ZYG11A: variants seen among roughly 807,000 people sequenced by gnomAD.
ZYG11A encodes the protein zyg-11 family member A, cell cycle regulator.
A neutral mutation model predicts 77.2 loss-of-function variants in ZYG11A; 62 were observed. The observed-to-expected ratio is 0.80, with a 90% CI of 0.65 to 0.99. The LOEUF (loss-of-function observed/expected upper bound fraction) is 0.99. Ranked by LOEUF, ZYG11A falls within the 50% of genes least tolerant of loss-of-function variation. ZYG11A has a pLI of 0.00. For missense variants in ZYG11A, 828 were observed against 896.8 expected (o/e 0.92, Z 0.98); for synonymous variants, 315 against 324.6 (o/e 0.97, Z 0.32).
rs960609439 is a variant in ZYG11A at position 52,867,839 on chromosome 1, T to TA, written c.1542+72dup. On this transcript the variant is annotated intron_variant, in intron 8 of 13. Coordinates refer to ENST00000371528, the MANE Select transcript of ZYG11A (RefSeq NM_001004339.3). ...AAAAGTCAAATTTATGATTATAGCT[T>TA]AAAAAAAAAATCAAATCATTCCAAA... 2.4e-3 allele frequency: 3,106 copies of TA among 1,289,890 alleles called. 1 individual carries two copies. The highest frequency in any genetic ancestry group is 2.7e-3 in the Non-Finnish European group (2,540 of 946,020). 79.9% of individuals were successfully genotyped at this position (1,289,890 alleles called of 1,614,324 possible).
chr1:52,873,839 C>T (rs1428661584), intron 8 of ZYG11A, among the ~76,000 whole-genome samples: 1 of 151,988 alleles, frequency 6.6e-6, no homozygotes, highest in Non-Finnish European at 1.5e-5. Flanking sequence ...CAAAAACTAG[C>T]CAGGTGTGGT....
At position 52,868,655 on chromosome 1, in the gene ZYG11A, G is replaced by A. The variant is rs77232077; in HGVS notation, c.1542+878G>A. The stretch of plus-strand genomic sequence containing the variant: ...ATATGAAAATTAGCTGGGTGTGGTG[G>A]TGCGTCCTGTAATCCCAGCTACTTG... On this transcript the variant is annotated intron_variant, in intron 8 of 13. Transcript: ENST00000371528. Among the ~76,000 whole-genome samples the A allele has an allele frequency of 4.8e-3, 736 of 151,958 alleles. 12 individuals carry two copies. The highest frequency in any genetic ancestry group is 0.017 in the African/African-American group (697 of 41,440).
chr1:52,869,269 T>C (rs143837961), intron 8 of ZYG11A, among the ~76,000 whole-genome samples: 1,770 of 148,844 alleles, frequency 0.012, 52 homozygotes, highest in African/African-American at 0.043. Flanking sequence ...TCTTTATTGA[T>C]CATTCTTGGG....
At chr1:52,879,738 T>C (rs1646328525) in intron 10 of ZYG11A, among the ~76,000 whole-genome samples, 2 of 144,720 alleles carry the variant, frequency 1.4e-5, no homozygotes, top group South Asian at 2.3e-4. Flanking sequence ...TAAAAGATCT[T>C]CCACTTTTCT....
chr1:52,888,946 G>C (rs1646491951), intron 13 of ZYG11A, among the ~76,000 whole-genome samples: 1 of 152,120 alleles, frequency 6.6e-6, no homozygotes, highest in South Asian at 2.1e-4. Context: ...CAGATGATTG[G>C]ATCAGAATAG....
intron 1 of ZYG11A, among the ~76,000 whole-genome samples, chr1:52,851,905 G>A (rs2149989539): frequency 6.8e-6 from 1 of 147,206 alleles, no homozygotes; most frequent in South Asian, 2.1e-4. Flanking sequence ...CCGCCACCAT[G>A]CCTTCCTAAT....
At chr1:52,864,811 A>ATT (rs555254016) in intron 5 of ZYG11A, among the ~76,000 whole-genome samples, 6 of 137,948 alleles carry the variant, frequency 4.3e-5, no homozygotes, top group African/African-American at 8.0e-5. Flanking sequence ...TGCCTGGCTA[A>ATT]TTTTTTTTTT....
At chr1:52,881,341 G>A (rs1030397087) in intron 10 of ZYG11A, 130 bp from the exon 11 acceptor site, 4 of 609,474 alleles carry the variant, frequency 6.6e-6, no homozygotes, top group Non-Finnish European at 1.1e-5. Context: ...GCTAGCTTGA[G>A]GCGGAGGCGG....
chr1:52,864,192 T>G, intron 5 of ZYG11A, 35 bp downstream of exon 5: 2 of 1,543,690 alleles, frequency 1.3e-6, no homozygotes, highest in Non-Finnish European at 1.8e-6. Flanking sequence ...GTGCTTTTTT[T>G]GTTGTTGTTA....
chr1:52,849,648 G>A (rs955759846), intron 1 of ZYG11A, among the ~76,000 whole-genome samples: 1 of 139,756 alleles, frequency 7.2e-6, no homozygotes. Flanking sequence ...GATTACAGGC[G>A]TGAACCACTG....
In ZYG11A at chr1:52,892,135, A is replaced by G. The variant is rs983796113; in HGVS notation, c.2105-647A>G. Among the ~76,000 whole-genome samples, 121 of 147,576 alleles carry G rather than the reference A, an allele frequency of 8.2e-4. 1 individual carries two copies. Among genetic ancestry groups the G allele is most frequent in the Admixed American group, 3.0e-3 (45 of 14,790 alleles). ...AGGATGGTCTCGATCTCCTGACCTCATGATCCGCCCGCCTCGGCCTCCCAA... is the reference window on the plus strand; with the variant it reads ...AGGATGGTCTCGATCTCCTGACCTCGTGATCCGCCCGCCTCGGCCTCCCAA... On this transcript the variant is annotated intron_variant, in intron 13 of 13. Coordinates refer to ENST00000371528, the MANE Select transcript of ZYG11A (RefSeq NM_001004339.3).
chr1:52,885,840 C>A lies in ZYG11A; in HGVS notation c.1952C>A (p.Thr651Asn). 2.6e-6 allele frequency: 4 copies of A among 1,546,408 alleles called. No individual in the cohort carries two copies. Among genetic ancestry groups the A allele is most frequent in the Non-Finnish European group, 3.5e-6 (4 of 1,144,502 alleles). ...CTCTTGTTTTTGGAGTAGCATGCAACCATACAGAATTGGCCAAGTTCAAGT... is the reference window on the plus strand; with the variant it reads ...CTCTTGTTTTTGGAGTAGCATGCAAACATACAGAATTGGCCAAGTTCAAGT... Reference protein sequence around the residue: ...RRTLLQDLHATIQNWPSSSCK... With the variant: ...RRTLLQDLHANIQNWPSSSCK... The change falls in exon 12 of 14, where the codon ACC becomes AAC. Residue 651 changes from threonine (T) to asparagine (N), a missense_variant. Thr to Asn is a moderately conservative substitution (Grantham distance 65). Coordinates refer to ENST00000371528, the MANE Select transcript of ZYG11A (RefSeq NM_001004339.3).
chr1:52,854,183 T>A (rs1393545957), intron 1 of ZYG11A, among the ~76,000 whole-genome samples: 1 of 152,216 alleles, frequency 6.6e-6, no homozygotes, highest in Non-Finnish European at 1.5e-5. Flanking sequence ...CCATTTTATA[T>A]AAGGAGACTT....
At chr1:52,851,676 A>G (rs1645714025) in intron 1 of ZYG11A, among the ~76,000 whole-genome samples, 1 of 152,116 alleles carries the variant, frequency 6.6e-6, no homozygotes, top group Non-Finnish European at 1.5e-5. Flanking sequence ...TTGGAATTAT[A>G]GGCGTGAGCC....
At chr1:52,858,681 C>T (rs1019645586) in intron 3 of ZYG11A, among the ~76,000 whole-genome samples, 3 of 150,088 alleles carry the variant, frequency 2.0e-5, no homozygotes, top group South Asian at 2.1e-4. Flanking sequence ...GGCGCAATCT[C>T]GGCTCACTGC....
chr1:52,843,856 T>C (rs1307932840), intron 1 of ZYG11A, among the ~76,000 whole-genome samples: 1 of 152,006 alleles, frequency 6.6e-6, no homozygotes, highest in East Asian at 1.9e-4. Flanking sequence ...CCGACTCATT[T>C]TTTGTATTTT....
intron 8 of ZYG11A, among the ~76,000 whole-genome samples, 181 bp downstream of exon 8, chr1:52,867,958 CTTTTTTTTTTTTTT>C (rs1050261180): frequency 2.0e-5 from 2 of 98,178 alleles, no homozygotes; most frequent in South Asian, 3.4e-4. Context: ...CTCCACATTT[CTTTTTTTTTTTTTT>C]TTTTTTTTTT....
rs779942078 is a variant in ZYG11A at position 52,864,024 on chromosome 1, T to C, written c.1193T>C (p.Val398Ala). The change falls in exon 5 of 14, where the codon GTG (valine) becomes GCG (alanine). Residue 398 changes from valine (V) to alanine (A), a missense_variant. Coordinates refer to ENST00000371528, the MANE Select transcript of ZYG11A (RefSeq NM_001004339.3). The stretch of plus-strand genomic sequence containing the variant: ...AGGAATCACCCATTGGATTTGCGAG[T>C]GCAGTTCACAGCCAGTGCTTGCGCT... ...GMRNHPLDLRVQFTASACALN... is the reference protein window; with the variant it reads ...GMRNHPLDLRAQFTASACALN... 11 of 1,551,586 alleles carry C rather than the reference T, an allele frequency of 7.1e-6. No homozygotes were observed. Among genetic ancestry groups the C allele is most frequent in the Non-Finnish European group, 9.6e-6 (11 of 1,147,016 alleles).
chr1:52,871,533 G>A (rs1274738715), intron 8 of ZYG11A, among the ~76,000 whole-genome samples: 1 of 145,594 alleles, frequency 6.9e-6, no homozygotes, highest in African/African-American at 2.6e-5. Flanking sequence ...GTCCCACTCT[G>A]TCACCAGGCT....
Sources: gnomAD v4.1 joint callset for allele counts (sites outside exome capture counted in the v4.1 genomes callset) on GRCh38, gnomAD v4.1.1 for gene constraint, MANE v1.5 for transcripts, NCBI Gene and HGNC (gene_info 2026-07-23, HGNC 2026-07-21) for gene names.